Variants in DOCK8 observed in about 807,000 individuals in gnomAD.
DOCK8 encodes dedicator of cytokinesis protein 8.
In DOCK8, 141 loss-of-function variants were observed where a neutral mutation model predicts 245.6. The ratio of observed to expected loss-of-function variants is 0.57; its 90% CI spans 0.50 to 0.66. The LOEUF is 0.66. Among genes scored for constraint, DOCK8 ranks in the 30% least tolerant of loss-of-function variants. The pLI, the probability that DOCK8 is intolerant of heterozygous loss-of-function variation, is 0.00. For missense variants in DOCK8, 2,965 were observed against 2,603.4 expected, an observed-to-expected ratio of 1.14 and a Z score of -3.02; for synonymous variants, 1,168 against 970.2, an observed-to-expected ratio of 1.20 and a Z score of -3.79.
At chr9:409,386 C>T (rs183927856) in intron 28 of DOCK8, among the ~76,000 whole-genome samples, 6 of 152,240 alleles carry the variant, frequency 3.9e-5, no homozygotes, top group East Asian at 3.9e-4. Flanking sequence ...AACCCATTGC[C>T]GGGACCACAG....
intron 26 of DOCK8, among the ~76,000 whole-genome samples, chr9:403,639 G>A (rs1205709412): frequency 6.6e-6 from 1 of 151,826 alleles, no homozygotes; most frequent in Non-Finnish European, 1.5e-5. Flanking sequence ...CAAGGCGGGA[G>A]GATCACCTGA....
chr9:388,502 G>A (rs10491686), intron 23 of DOCK8, among the ~76,000 whole-genome samples: 4,969 of 151,668 alleles, frequency 0.033, 247 homozygotes, highest in African/African-American at 0.11. Flanking sequence ...AAATTTTAAT[G>A]TACGCAAGAA....
chr9:340,436 C>A, intron 14 of DOCK8, 115 bp downstream of exon 14: 2 of 1,337,358 alleles, frequency 1.5e-6, no homozygotes, highest in Non-Finnish European at 2.1e-6. Context: ...GCCTTGGCAA[C>A]ATGGCAAAAC....
intron 1 of DOCK8, among the ~76,000 whole-genome samples, chr9:260,337 A>C (rs922128801): frequency 6.6e-6 from 1 of 152,222 alleles, no homozygotes; most frequent in African/African-American, 2.4e-5. Context: ...TCCTGCCCAT[A>C]AAGTTAAGAA....
chr9:275,557 C>G (rs1442433049), intron 2 of DOCK8, among the ~76,000 whole-genome samples: 1 of 152,138 alleles, frequency 6.6e-6, no homozygotes, highest in African/African-American at 2.4e-5. Context: ...GGTTGAGAAT[C>G]ATTTAAACAG....
intron 1 of DOCK8, among the ~76,000 whole-genome samples, chr9:227,514 C>T (rs890858017): frequency 6.6e-6 from 1 of 152,114 alleles, no homozygotes; most frequent in Non-Finnish European, 1.5e-5. Context: ...CATCCTGCAT[C>T]CTGGAGTAAA....
intron 45 of DOCK8, among the ~76,000 whole-genome samples, chr9:451,020 A>G (rs564590044): frequency 6.6e-6 from 1 of 152,250 alleles, no homozygotes; most frequent in South Asian, 2.1e-4. Flanking sequence ...GATTGATAAA[A>G]TAATATTCGG....
At chr9:247,066 G>C (rs1160189743) in intron 1 of DOCK8, among the ~76,000 whole-genome samples, 1 of 152,204 alleles carries the variant, frequency 6.6e-6, no homozygotes, top group African/African-American at 2.4e-5. Flanking sequence ...GCGAGCTACA[G>C]ATAGGGAATA....
At chr9:305,089 C>T (rs1334088435) in intron 5 of DOCK8, among the ~76,000 whole-genome samples, 3 of 152,116 alleles carry the variant, frequency 2.0e-5, no homozygotes, top group African/African-American at 7.2e-5. Flanking sequence ...TGTACTAACT[C>T]TCTAACTTCA....
Position 399,207 on chromosome 9 carries a change from C to T in DOCK8, c.3182C>T (p.Ser1061Phe), listed in dbSNP as rs754046747. The T allele has an allele frequency of 1.2e-6, 2 of 1,614,066 alleles. No individual in the cohort carries two copies. The highest frequency in any genetic ancestry group is 1.7e-6 in the Non-Finnish European group (2 of 1,180,026). The change falls in exon 26 of 48, where the codon TCC becomes TTC. Residue 1061 changes from serine to phenylalanine, a missense_variant. Coordinates refer to ENST00000432829, the MANE Select transcript of DOCK8 (RefSeq NM_203447.4). ...SLAFFLYDLL[S>F]LMDRGFVFNL... ...GCTTTCTTCTTGTATGACCTTCTCT[C>T]CCTCATGGATCGGGGCTTTGTGTTT...
intron 1 of DOCK8, among the ~76,000 whole-genome samples, chr9:247,539 T>C (rs952410628): frequency 1.3e-5 from 2 of 152,094 alleles, no homozygotes; most frequent in African/African-American, 4.8e-5. Flanking sequence ...TATTCTTTTT[T>C]GTTTGTTTGT....
chr9:219,650 A>G (rs2131331405), intron 1 of DOCK8, among the ~76,000 whole-genome samples: 1 of 152,258 alleles, frequency 6.6e-6, no homozygotes, highest in South Asian at 2.1e-4. Flanking sequence ...TAACCCTAGC[A>G]CTTTGGGAGG....
At position 463,642 on chromosome 9, in the gene DOCK8, T is replaced by C. The variant is rs543014165; in HGVS notation, c.6194T>C (p.Ile2065Thr). The C allele has an allele frequency of 3.7e-6, 6 of 1,613,668 alleles. No homozygotes were observed. In the African/African-American group the frequency reaches 5.3e-5, roughly 14 times the overall value. ...CTCAGGCCAATGATCGAGCGGAAAA[T>C]TCCAGAACTGTACAAGCCAATATTC... Reference protein sequence around the residue: ...ENLRPMIERKIPELYKPIFRV... With the variant: ...ENLRPMIERKTPELYKPIFRV... The change falls in exon 47 of 48, where the codon ATT becomes ACT. Residue 2065 changes from isoleucine to threonine, a missense_variant. By Grantham distance (89) the Ile-to-Thr change is moderately conservative. Transcript: ENST00000432829.
intron 16 of DOCK8, 126 bp from the exon 17 acceptor site, chr9:371,302 G>A (rs112373361): frequency 9.3e-7 from 1 of 1,080,444 alleles, no homozygotes; most frequent in African/African-American, 1.6e-5. Flanking sequence ...TCAGAGCAGA[G>A]TAATGTAAAA....
chr9:456,487 G>C (rs1310981038), intron 46 of DOCK8: 7 of 152,206 alleles, frequency 4.6e-5, no homozygotes, highest in Non-Finnish European at 8.8e-5. Context: ...ATGAGTCTCT[G>C]TTGCTGAGAG....
chr9:357,463 CTCTT>C (rs1208408773), intron 14 of DOCK8, among the ~76,000 whole-genome samples: 1 of 152,210 alleles, frequency 6.6e-6, no homozygotes, highest in Admixed American at 6.5e-5. Context: ...CTCTCTCTCT[CTCTT>C]TCTCTTTCTC....
At chr9:254,924 G>C (rs1316565723) in intron 1 of DOCK8, among the ~76,000 whole-genome samples, 1 of 152,160 alleles carries the variant, frequency 6.6e-6, no homozygotes, top group Admixed American at 6.5e-5. Flanking sequence ...TCTCAGGAGG[G>C]TGGCGCTCAG....
At chr9:449,763 A>G (rs942986041) in intron 44 of DOCK8, 21 bp from the exon 45 acceptor site, 4 of 1,612,272 alleles carry the variant, frequency 2.5e-6, no homozygotes, top group Non-Finnish European at 2.5e-6. Context: ...TGACTTCCCT[A>G]TGTTTACGTC....
At chr9:407,602 G>A (rs940482226) in intron 28 of DOCK8, among the ~76,000 whole-genome samples, 2 of 148,810 alleles carry the variant, frequency 1.3e-5, no homozygotes, top group African/African-American at 5.1e-5. Flanking sequence ...AGGGACATGT[G>A]GCAGTATCTA....
Sources: gnomAD v4.1 joint callset for allele counts (sites outside exome capture counted in the v4.1 genomes callset) on GRCh38, gnomAD v4.1.1 for gene constraint, MANE v1.5 for transcripts, NCBI Gene and HGNC (gene_info 2026-07-23, HGNC 2026-07-21) for gene names.